Variants in COX15 observed in about 807,000 individuals in gnomAD.
The protein encoded by COX15 is cytochrome c oxidase assembly factor COX15.
A neutral mutation model predicts 51.9 loss-of-function variants in COX15; 51 were observed. The observed-to-expected ratio is 0.98, with a 90% CI of 0.78 to 1.24. COX15 has a LOEUF of 1.24. Among genes scored for constraint, COX15 ranks in the 50% most tolerant of loss-of-function variants. The pLI is 0.00. For missense variants in COX15, 420 were observed against 501.1 expected, an observed-to-expected ratio of 0.84 and a Z score of 1.55; for synonymous variants, 188 against 190.5, an observed-to-expected ratio of 0.99 and a Z score of 0.11.
intron 8 of COX15, among the ~76,000 whole-genome samples, chr10:99,715,507 T>C (rs914447264): frequency 1.9e-5 from 1 of 52,076 alleles, no homozygotes; most frequent in Admixed American, 2.3e-4. Flanking sequence ...AATTTTCTCA[T>C]ACAAAAGGTC....
intron 4 of COX15, among the ~76,000 whole-genome samples, chr10:99,726,114 A>G (rs2036942360): frequency 6.6e-6 from 1 of 151,908 alleles, no homozygotes; most frequent in Admixed American, 6.6e-5. Context: ...ACGTGATTTT[A>G]ATTGCCATTT....
chr10:99,699,824 C>A, the COX15 span, among the ~76,000 whole-genome samples: 1 of 152,128 alleles, frequency 6.6e-6, no homozygotes, highest in Non-Finnish European at 1.5e-5. Context: ...CCTTGGCCCC[C>A]CAAAGTGCTG....
chr10:99,698,780 T>G, the COX15 span: 7 of 1,614,220 alleles, frequency 4.3e-6, no homozygotes, highest in Non-Finnish European at 5.9e-6. Context: ...ACGGCTTCTC[T>G]GAGTTTTTTT....
the COX15 span, among the ~76,000 whole-genome samples, chr10:99,700,520 G>A: frequency 6.6e-6 from 1 of 151,728 alleles, no homozygotes. Flanking sequence ...TTTACTGCAT[G>A]ATTCCCTGGC....
chr10:99,706,719 T>C (rs1363178741), downstream of COX15, among the ~76,000 whole-genome samples: 2 of 152,104 alleles, frequency 1.3e-5, no homozygotes, highest in Non-Finnish European at 2.9e-5. Flanking sequence ...CTACATTGCT[T>C]TTTCTTTTAT....
chr10:99,727,517 C>A lies in COX15; in HGVS notation c.319G>T (p.Glu107Ter). The stretch of plus-strand genomic sequence containing the variant: ...TCTTGGCTTGTAGGTGGCTTCATCT[C>A]CTTTATTAAATGCCAATCTACCATC... ...LSMVDWHLIK[E>*]MKPPTSQEEW... The change falls in exon 3 of 9, where the codon GAG becomes TAG. Residue 107 changes from glutamate (E) to a stop codon, truncating the protein, a stop_gained. Coordinates refer to ENST00000016171, the MANE Select transcript of COX15 (RefSeq NM_078470.6). LOFTEE classifies it high-confidence loss of function. The A allele has an allele frequency of 6.2e-7, 1 of 1,613,872 alleles. No individual in the cohort carries two copies. Among genetic ancestry groups the A allele is most frequent in the Non-Finnish European group, 8.5e-7 (1 of 1,180,008 alleles).
chr10:99,709,065 G>C, downstream of COX15: 1 of 982,004 alleles, frequency 1.0e-6, no homozygotes, highest in Non-Finnish European at 1.2e-6. Context: ...ATTTCTTTTC[G>C]TACTTTTAAA....
At chr10:99,703,448 C>T in the COX15 span, among the ~76,000 whole-genome samples, 1 of 152,208 alleles carries the variant, frequency 6.6e-6, no homozygotes, top group Non-Finnish European at 1.5e-5. Context: ...CCAGCATTTG[C>T]CAGTTCTCAT....
the COX15 span, among the ~76,000 whole-genome samples, chr10:99,696,652 T>C: frequency 6.6e-6 from 1 of 152,218 alleles, no homozygotes; most frequent in East Asian, 1.9e-4. Flanking sequence ...GATTCTTCAT[T>C]TGAGTACCAG....
chr10:99,713,251 G>A lies in COX15; in HGVS notation c.*1336C>T. On this transcript the variant is annotated 3_prime_UTR_variant, in exon 9 of 9. Coordinates refer to ENST00000016171, the MANE Select transcript of COX15 (RefSeq NM_078470.6). Reference sequence around the variant, plus strand: ...GTCTTTTTTATATGAAATGATATAAGGCCAGGTTTCTTCAGCCCAAACTTA... The same window carrying A: ...GTCTTTTTTATATGAAATGATATAAAGCCAGGTTTCTTCAGCCCAAACTTA... The A allele has an allele frequency of 2.7e-6, 4 of 1,456,188 alleles. No individual in the cohort carries two copies. Among genetic ancestry groups the A allele is most frequent in the Non-Finnish European group, 3.7e-6 (4 of 1,079,672 alleles). The allele number at this position is 1,456,188 out of a possible 1,614,324, so 90.2% of individuals were successfully genotyped here.
chr10:99,723,238 A>G (rs1228936766), intron 5 of COX15: 1 of 152,148 alleles, frequency 6.6e-6, no homozygotes, highest in Non-Finnish European at 1.5e-5. Context: ...TGCCTCCCGG[A>G]TTCAAGCAAT....
At chr10:99,724,746 AAAG>A (rs2036895719) in intron 4 of COX15, among the ~76,000 whole-genome samples, 2 of 152,194 alleles carry the variant, frequency 1.3e-5, no homozygotes, top group Non-Finnish European at 2.9e-5. Context: ...AAAAAAAAAA[AAAG>A]GTCCATGGAT....
Position 99,723,950 on chromosome 10 carries a change from T to A in COX15, c.750+6A>T. 6.2e-7 allele frequency: 1 copy of A among 1,613,572 alleles called. No individual in the cohort carries two copies. Among genetic ancestry groups the A allele is most frequent in the East Asian group, 2.2e-5 (1 of 44,872 alleles). On this transcript the variant is annotated splice_donor_region_variant and intron_variant, in intron 5 of 8. Coordinates refer to ENST00000016171, the MANE Select transcript of COX15 (RefSeq NM_078470.6). The stretch of plus-strand genomic sequence containing the variant: ...TTGAACACAGATATTTGCACACAAC[T>A]CTTACCTTGTGCGGAGGGAGTAGCA...
At position 99,714,597 on chromosome 10, in the gene COX15, A is replaced by T. The variant is rs369369232; in HGVS notation, c.1223T>A (p.Val408Asp). 1.8e-5 allele frequency: 29 copies of T among 1,613,910 alleles called. No homozygotes were observed. The highest frequency in any genetic ancestry group is 2.5e-5 in the Non-Finnish European group (29 of 1,179,982). ...CTGGTCCTCTAAGAATCATTTTGGG[A>T]CTCTTCGGAGTTCATTCATCAGCCA... is the stretch of plus-strand genomic sequence containing the variant. ...ALWLMNELRR[V>D]PK is the part of the protein sequence containing the mutation. The change falls in exon 9 of 9, where the codon GTC becomes GAC. Residue 408 changes from valine (V) to aspartate (D), a missense_variant. Physicochemically the swap from Val to Asp is radical, Grantham distance 152. Coordinates refer to ENST00000016171, the MANE Select transcript of COX15 (RefSeq NM_078470.6).
the COX15 span, chr10:99,697,658 C>T: frequency 2.1e-3 from 335 of 158,100 alleles, 2 homozygotes; most frequent in Non-Finnish European, 3.5e-3. Context: ...GTTGGTGTCA[C>T]ATCCTTAAAA....
At chr10:99,705,110 T>G in the COX15 span, 2 of 188,472 alleles carry the variant, frequency 1.1e-5, no homozygotes, top group African/African-American at 4.6e-5. Flanking sequence ...AGCCCCTTCT[T>G]TCTCTGTAAC....
the COX15 span, chr10:99,705,778 A>G: frequency 1.3e-5 from 2 of 152,274 alleles, no homozygotes; most frequent in African/African-American, 4.8e-5. Flanking sequence ...CAATCTGTTA[A>G]TAAGCCATCT....
chr10:99,718,761 G>A (rs951817316), intron 6 of COX15, among the ~76,000 whole-genome samples: 5 of 152,060 alleles, frequency 3.3e-5, no homozygotes, highest in Non-Finnish European at 7.4e-5. Context: ...TGTGGTGTGG[G>A]GGGAGGGGGA....
chr10:99,720,879 T>A, intron 6 of COX15, 108 bp downstream of exon 6: 1 of 842,136 alleles, frequency 1.2e-6, no homozygotes, highest in Non-Finnish European at 2.0e-6. Flanking sequence ...GAGAAACAGA[T>A]GTGAAAAGGA....
Sources: allele counts gnomAD v4.1 joint callset (sites outside exome capture counted in the v4.1 genomes callset), GRCh38; gene constraint gnomAD v4.1.1; transcripts MANE v1.5; gene names NCBI Gene and HGNC (gene_info 2026-07-23, HGNC 2026-07-21).